The following CCDC178 variants were observed in gnomAD, a reference collection of about 807,000 sequenced individuals.
CCDC178 encodes the protein coiled-coil domain-containing protein 178.
Under a neutral mutation model 117.4 loss-of-function variants are expected in CCDC178, and 126 were observed. The observed-to-expected ratio is 1.07, with a 90% CI of 0.93 to 1.24. The LOEUF (loss-of-function observed/expected upper bound fraction) is 1.24. Ranked by LOEUF, CCDC178 falls within the 50% of genes most tolerant of loss-of-function variation. The pLI is 0.00. For missense variants in CCDC178, 1,030 were observed against 986.9 expected (o/e 1.04, Z -0.59); for synonymous variants, 283 against 313.4 (o/e 0.90, Z 1.02).
At chr18:33,011,930 T>C (rs2055880544) in intron 21 of CCDC178, among the ~76,000 whole-genome samples, 1 of 151,948 alleles carries the variant, frequency 6.6e-6, no homozygotes, top group South Asian at 2.1e-4. Flanking sequence ...TTTTAGTTGA[T>C]TTTCTTGCAA....
chr18:33,250,058 G>GC (rs2059601299), intron 14 of CCDC178, among the ~76,000 whole-genome samples: 2 of 151,622 alleles, frequency 1.3e-5, no homozygotes, highest in African/African-American at 4.8e-5. Context: ...TCATGATTTG[G>GC]TTCTCTCTTT....
intron 3 of CCDC178, among the ~76,000 whole-genome samples, chr18:33,409,595 A>G (rs1324453259): frequency 9.8e-5 from 15 of 152,354 alleles, no homozygotes; most frequent in Non-Finnish European, 2.9e-5. Flanking sequence ...AGTATATAAT[A>G]CATAATTAAA....
intron 20 of CCDC178, among the ~76,000 whole-genome samples, chr18:33,152,206 A>T (rs2058349289): frequency 6.6e-6 from 1 of 152,124 alleles, no homozygotes. Context: ...GACAAATGGA[A>T]ACCAGAAAAT....
At chr18:33,234,211 C>A (rs2059400354) in intron 15 of CCDC178, among the ~76,000 whole-genome samples, 1 of 152,046 alleles carries the variant, frequency 6.6e-6, no homozygotes, top group Non-Finnish European at 1.5e-5. Context: ...TACTTAGCAG[C>A]CATTGTGGGA....
chr18:33,098,094 T>A (rs1475175733), intron 20 of CCDC178, among the ~76,000 whole-genome samples: 1 of 152,080 alleles, frequency 6.6e-6, no homozygotes, highest in Non-Finnish European at 1.5e-5. Context: ...AAAGTTTAAA[T>A]CTATTTGAAC....
chr18:33,397,265 GC>G (rs1599268878), intron 3 of CCDC178, 57 bp from the exon 4 acceptor site: 5 of 1,126,856 alleles, frequency 4.4e-6, no homozygotes, highest in Non-Finnish European at 6.7e-6. Context: ...CAAATATTCT[GC>G]CCTATATTGC....
intron 11 of CCDC178, among the ~76,000 whole-genome samples, chr18:33,308,333 G>C (rs1296378765): frequency 6.6e-6 from 1 of 152,190 alleles, no homozygotes; most frequent in Non-Finnish European, 1.5e-5. Flanking sequence ...TTTCAGACTT[G>C]CATGGGGCCT....
intron 21 of CCDC178, among the ~76,000 whole-genome samples, chr18:33,043,459 C>T (rs2056585835): frequency 6.6e-6 from 1 of 152,030 alleles, no homozygotes; most frequent in Non-Finnish European, 1.5e-5. Flanking sequence ...TGGGCAGTTA[C>T]TTTACTACTT....
At chr18:33,031,261 A>T (rs2056336942) in intron 21 of CCDC178, among the ~76,000 whole-genome samples, 2 of 147,282 alleles carry the variant, frequency 1.4e-5, no homozygotes, top group Non-Finnish European at 1.5e-5. Context: ...TTTTAAATGG[A>T]GTCTTGCTAT....
At chr18:33,302,323 T>C (rs1199954559) in intron 11 of CCDC178, among the ~76,000 whole-genome samples, 1 of 152,228 alleles carries the variant, frequency 6.6e-6, no homozygotes, top group Non-Finnish European at 1.5e-5. Flanking sequence ...GCCTCAGGTA[T>C]TTCTTTATTG....
At chr18:32,939,388 G>A (rs2054190292) in intron 22 of CCDC178, among the ~76,000 whole-genome samples, 1 of 151,800 alleles carries the variant, frequency 6.6e-6, no homozygotes. Context: ...AATAAAGCCT[G>A]AAAAAAATCA....
chr18:33,140,199 G>A (rs578033360), intron 20 of CCDC178, among the ~76,000 whole-genome samples: 58 of 152,246 alleles, frequency 3.8e-4, no homozygotes, highest in South Asian at 1.5e-3. Context: ...CGTGGCTCTC[G>A]TGGAGAGCCT....
At chr18:33,043,860 A>G (rs1367234251) in intron 21 of CCDC178, among the ~76,000 whole-genome samples, 1 of 151,910 alleles carries the variant, frequency 6.6e-6, no homozygotes, top group East Asian at 1.9e-4. Flanking sequence ...CTCTCTCAAA[A>G]TTTCTCGCCG....
chr18:33,278,581 T>C (rs1350013652), intron 12 of CCDC178, among the ~76,000 whole-genome samples: 3 of 152,046 alleles, frequency 2.0e-5, no homozygotes, highest in Non-Finnish European at 4.4e-5. Context: ...ATAGGCTTTA[T>C]TCTATCATAT....
chr18:33,087,119 TC>T (rs1210178861), intron 21 of CCDC178, among the ~76,000 whole-genome samples: 1 of 151,946 alleles, frequency 6.6e-6, no homozygotes, highest in Admixed American at 6.6e-5. Context: ...AATAAATCAC[TC>T]TTAAGGTGTG....
chr18:33,365,457 G>A (rs371309825), intron 6 of CCDC178, among the ~76,000 whole-genome samples: 2 of 152,098 alleles, frequency 1.3e-5, no homozygotes, highest in African/African-American at 4.8e-5. Context: ...TTAGATCTCG[G>A]GAGAAATCAG....
intron 20 of CCDC178, among the ~76,000 whole-genome samples, chr18:33,166,023 C>T (rs1346808428): frequency 6.6e-6 from 1 of 152,144 alleles, no homozygotes; most frequent in East Asian, 1.9e-4. Context: ...GCACCACTGC[C>T]TTGGTTTATA....
intron 3 of CCDC178, among the ~76,000 whole-genome samples, chr18:33,399,584 C>T (rs939361412): frequency 6.6e-6 from 1 of 152,220 alleles, no homozygotes; most frequent in South Asian, 2.1e-4. Flanking sequence ...TCTCAGGAAA[C>T]CACTTTCTTT....
intron 21 of CCDC178, among the ~76,000 whole-genome samples, chr18:33,001,470 G>A (rs1223629441): frequency 6.6e-6 from 1 of 151,888 alleles, no homozygotes; most frequent in Non-Finnish European, 1.5e-5. Context: ...CCGAGATCAC[G>A]CCACTGCACT....
Sources: gnomAD v4.1 joint callset for allele counts (sites outside exome capture counted in the v4.1 genomes callset) on GRCh38, gnomAD v4.1.1 for gene constraint, MANE v1.5 for transcripts, NCBI Gene and HGNC (gene_info 2026-07-23, HGNC 2026-07-21) for gene names.